COL3A1: variants seen among roughly 807,000 people sequenced by gnomAD.
The protein encoded by COL3A1 is collagen alpha-1(III) chain.
COL3A1 carries 46 observed loss-of-function variants against 200.9 expected under a neutral mutation model. That is an observed-to-expected ratio of 0.23 (90% CI 0.18 to 0.29). The LOEUF (loss-of-function observed/expected upper bound fraction) is 0.29, where lower values mean the gene tolerates loss of function less well. Among genes scored for constraint, COL3A1 ranks in the 10% least tolerant of loss-of-function variants. The probability of loss-of-function intolerance (pLI) is 1.00; values close to 1 mark genes in which losing one functional copy is unlikely to be tolerated. For missense variants in COL3A1, 1,367 were observed against 1,917.6 expected (o/e 0.71, Z 5.36); for synonymous variants, 650 against 628.0 (o/e 1.03, Z -0.52).
At chr2:188,978,658 T>A (rs1039155994) in intron 1 of COL3A1, among the ~76,000 whole-genome samples, 1 of 151,674 alleles carries the variant, frequency 6.6e-6, no homozygotes, top group East Asian at 1.9e-4. Context: ...AGTTGTAAAG[T>A]TTCCAGGTCT....
chr2:188,984,037 G>C (rs1688012639), intron 1 of COL3A1, among the ~76,000 whole-genome samples: 1 of 151,768 alleles, frequency 6.6e-6, no homozygotes, highest in East Asian at 1.9e-4. Context: ...AAATACAGAT[G>C]GTTATGATTC....
At position 189,005,408 on chromosome 2, in the gene COL3A1, C is replaced by T; in HGVS notation, c.2990C>T (p.Pro997Leu). Reference protein sequence around the residue: ...GLSGERGPPGPQGLPGLAGTA... With the variant: ...GLSGERGPPGLQGLPGLAGTA... ...AGTGGAGAACGTGGTCCCCCTGGAC[C>T]CCAGGGTCTTCCTGGTCTGGCTGGT... Residue 997 changes from proline to leucine, a missense_variant, in exon 41 of 51, where the codon CCC becomes CTC. Pro to Leu is a moderately conservative substitution (Grantham distance 98). Coordinates refer to ENST00000304636, the MANE Select transcript of COL3A1 (RefSeq NM_000090.4). The T allele has an allele frequency of 6.2e-7, 1 of 1,614,006 alleles. No individual in the cohort carries two copies. Among genetic ancestry groups the T allele is most frequent in the Non-Finnish European group, 8.5e-7 (1 of 1,179,938 alleles).
intron 28 of COL3A1, 118 bp downstream of exon 28, chr2:188,998,437 T>C: frequency 9.8e-7 from 1 of 1,020,720 alleles, no homozygotes; most frequent in Non-Finnish European, 1.5e-6. Flanking sequence ...ACATTTAGTT[T>C]TGAAATATTA....
intron 36 of COL3A1, 117 bp downstream of exon 36, chr2:189,003,179 A>C: frequency 1.2e-6 from 1 of 869,332 alleles, no homozygotes; most frequent in Non-Finnish European, 1.9e-6. Flanking sequence ...AAGTGTTCTA[A>C]TGGAAAAACA....
chr2:189,005,727 T>C (rs1688571105), intron 41 of COL3A1: 1 of 394,992 alleles, frequency 2.5e-6, no homozygotes, highest in African/African-American at 2.1e-5. Flanking sequence ...ACAATTGACA[T>C]GTTTTCTGAG....
chr2:188,989,434 T>C lies in COL3A1; in HGVS notation c.675T>C (p.Gly225=). The change falls in exon 8 of 51, where the codon GGT becomes GGC. Residue 225 remains glycine (G), a synonymous_variant. Transcript: ENST00000304636. ...CTCCTGGTGCTATAGGTCCATCTGG[T>C]CCTGCTGGAAAAGATGTAAGTTTTT... ...PGPPGAIGPS[G]PAGKDGESGR... is the part of the protein sequence containing the mutation. 1 of 1,607,742 alleles carries C rather than the reference T, an allele frequency of 6.2e-7. No individual in the cohort carries two copies. Among genetic ancestry groups the C allele is most frequent in the South Asian group, 1.1e-5 (1 of 90,478 alleles).
intron 24 of COL3A1, among the ~76,000 whole-genome samples, 163 bp from the exon 25 acceptor site, chr2:188,997,002 T>C (rs1688338973): frequency 7.1e-6 from 1 of 141,588 alleles, no homozygotes; most frequent in Non-Finnish European, 1.5e-5. Context: ...AATATGTATG[T>C]GTGTGTGTGT....
In COL3A1 at chr2:188,994,296, C is replaced by T. The variant is rs41272837; in HGVS notation, c.1257C>T (p.Ala419=). 5,187 of 1,613,706 alleles carry T rather than the reference C, an allele frequency of 3.2e-3. 143 individuals are homozygous for T. The African/African-American group carries it at 0.062, about 19-fold the overall frequency. Residue 419 remains alanine, a synonymous_variant, in exon 18 of 51, where the codon GCC becomes GCT. Transcript: ENST00000304636. The surrounding 1 kb of genome is among the most constrained non-coding windows in gnomAD (Gnocchi z 4.5). ...GAGCCCGGGGTCCTCCAGGACCAGC[C>T]GGTGCTAATGGTGCTCCTGGACTGC... ...LMGARGPPGP[A]GANGAPGLRG... is the part of the protein sequence containing the mutation.
At chr2:188,999,233 T>A in intron 29 of COL3A1, 52 bp from the exon 30 acceptor site, 1 of 1,500,962 alleles carries the variant, frequency 6.7e-7, no homozygotes, top group Non-Finnish European at 9.1e-7. Flanking sequence ...TAAGGTGCTT[T>A]GTTTTTAGCT....
At chr2:188,990,452 A>C in intron 10 of COL3A1, 92 bp downstream of exon 10, 1 of 978,062 alleles carries the variant, frequency 1.0e-6, no homozygotes. Context: ...GTGCCAAAAA[A>C]TATGATTCTG....
At chr2:188,989,891 T>C (rs903917617) in intron 8 of COL3A1, among the ~76,000 whole-genome samples, 1 of 152,192 alleles carries the variant, frequency 6.6e-6, no homozygotes, top group Non-Finnish European at 1.5e-5. Context: ...TAGAAGCACC[T>C]GCATTATCTC....
At chr2:188,975,247 G>T (rs938112086) in intron 1 of COL3A1, among the ~76,000 whole-genome samples, 1 of 152,034 alleles carries the variant, frequency 6.6e-6, no homozygotes, top group Non-Finnish European at 1.5e-5. Flanking sequence ...AACCACATTC[G>T]CATTAATGAA....
intron 45 of COL3A1, 77 bp downstream of exon 45, chr2:189,007,684 C>A: frequency 7.4e-7 from 1 of 1,353,638 alleles, no homozygotes; most frequent in Non-Finnish European, 1.0e-6. Context: ...AGCTTTCCAT[C>A]TCTAAAAATA....
chr2:189,012,053 T>C lies in COL3A1; in HGVS notation c.*279T>C, dbSNP rs138391835. Reference sequence around the variant, plus strand: ...AAATAAACTTCAACACTCTTTATGATAACAACACTGTGTTATATTCTTTGA... The same window carrying C: ...AAATAAACTTCAACACTCTTTATGACAACAACACTGTGTTATATTCTTTGA... On this transcript the variant is annotated 3_prime_UTR_variant, in exon 51 of 51. Transcript: ENST00000304636. 3.1e-4 allele frequency: 138 copies of C among 442,136 alleles called. 1 individual carries two copies. The highest frequency in any genetic ancestry group is 2.6e-3 in the African/African-American group (133 of 50,246). The allele number at this position is 442,136 out of a possible 1,614,324, so 27.4% of individuals were successfully genotyped here.
At position 188,979,390 on chromosome 2, in the gene COL3A1, A is replaced by G. The variant is rs41265579; in HGVS notation, c.79+4822A>G. On this transcript the variant is annotated intron_variant, in intron 1 of 50. Transcript: ENST00000304636. ...ATTTAGTAACTATATTTTCTGAAAA[A>G]CAGTGTGTTAATGAGACATCTTAAA... Among the ~76,000 whole-genome samples, 848 of 152,058 alleles carry G rather than the reference A, an allele frequency of 5.6e-3. 4 individuals are homozygous for G. The highest frequency in any genetic ancestry group is 7.9e-3 in the Non-Finnish European group (539 of 67,898).
chr2:189,011,036 T>G, intron 50 of COL3A1, 146 bp downstream of exon 50: 1 of 1,070,364 alleles, frequency 9.3e-7, no homozygotes, highest in Non-Finnish European at 1.4e-6. Context: ...CATCTACTGA[T>G]TCATTGCAGG....
At chr2:189,003,103 T>G in intron 36 of COL3A1, 41 bp downstream of exon 36, 2 of 1,407,168 alleles carry the variant, frequency 1.4e-6, no homozygotes, top group Non-Finnish European at 2.0e-6. Flanking sequence ...ATCTATCATC[T>G]ATCTATCTAT....
At chr2:189,008,509 A>G (rs1688647035) in intron 47 of COL3A1, 2 of 392,806 alleles carry the variant, frequency 5.1e-6, no homozygotes, top group Admixed American at 4.1e-5. Context: ...CATGGTTACT[A>G]TTTTGTTAAT....
At chr2:188,977,396 T>A (rs1187965077) in intron 1 of COL3A1, among the ~76,000 whole-genome samples, 1 of 152,116 alleles carries the variant, frequency 6.6e-6, no homozygotes, top group Non-Finnish European at 1.5e-5. Flanking sequence ...GAGAATCAGT[T>A]TCTTATTAGA....
Sources: allele counts gnomAD v4.1 joint callset (sites outside exome capture counted in the v4.1 genomes callset), GRCh38; gene constraint gnomAD v4.1.1; non-coding constraint Gnocchi (gnomAD v3.1); transcripts MANE v1.5; gene names NCBI Gene and HGNC (gene_info 2026-07-23, HGNC 2026-07-21).